RAB11FIP4: variants seen among roughly 807,000 people sequenced by gnomAD.
The protein encoded by RAB11FIP4 is RAB11 family interacting protein 4.
A neutral mutation model predicts 74.3 loss-of-function variants in RAB11FIP4; 23 were observed. That is an observed-to-expected ratio of 0.31 (90% CI 0.22 to 0.44). The LOEUF is 0.44. Among genes scored for constraint, RAB11FIP4 ranks in the 20% least tolerant of loss-of-function variants. The probability of loss-of-function intolerance (pLI) is 1.00; values close to 1 mark genes in which losing one functional copy is unlikely to be tolerated. For synonymous variants in RAB11FIP4, 360 were observed against 359.9 expected (o/e 1.00, Z 0.00); for missense variants, 630 against 863.9 (o/e 0.73, Z 3.39).
chr17:31,425,816 G>C lies in RAB11FIP4; in HGVS notation c.160-5997G>C, dbSNP rs529926835. Among the ~76,000 whole-genome samples, 7 of 152,324 alleles carry C rather than the reference G, an allele frequency of 4.6e-5. No individual in the cohort carries two copies. The East Asian group carries it at 1.4e-3, about 29-fold the overall frequency. The stretch of plus-strand genomic sequence containing the variant: ...CTGGGAGCCAGAGGGGGAGCCCCAG[G>C]GCTGCCCAGCCACGCATGGTGTGTG... On this transcript the variant is annotated intron_variant, in intron 1 of 14. Coordinates refer to ENST00000621161, the MANE Select transcript of RAB11FIP4 (RefSeq NM_032932.6).
Position 31,437,728 on chromosome 17 carries a change from G to T in RAB11FIP4, c.336+3606G>T, listed in dbSNP as rs138173956. Among the ~76,000 whole-genome samples, 389 of 152,276 alleles carry T rather than the reference G, an allele frequency of 2.6e-3. 4 individuals carry two copies. Among genetic ancestry groups the T allele is most frequent in the Non-Finnish European group, 4.3e-3 (293 of 68,014 alleles). On this transcript the variant is annotated intron_variant, in intron 3 of 14. Coordinates refer to ENST00000621161, the MANE Select transcript of RAB11FIP4 (RefSeq NM_032932.6). ...TAATTAAAGCAGTGAATGCTTGAGTGCTGGCTGGTGGGCCAGCAGCTGCCA... is the reference window on the plus strand; with the variant it reads ...TAATTAAAGCAGTGAATGCTTGAGTTCTGGCTGGTGGGCCAGCAGCTGCCA...
At chr17:31,516,412 C>G (rs946161232) in intron 3 of RAB11FIP4, among the ~76,000 whole-genome samples, 2 of 152,032 alleles carry the variant, frequency 1.3e-5, no homozygotes, top group Non-Finnish European at 2.9e-5. Context: ...GCGTCTTGAA[C>G]AAAAATTGGA....
intron 1 of RAB11FIP4, among the ~76,000 whole-genome samples, chr17:31,398,654 C>T (rs1354752443): frequency 1.3e-5 from 2 of 152,240 alleles, no homozygotes; most frequent in African/African-American, 4.8e-5. Flanking sequence ...TGACGTTCCC[C>T]CTTGTACAGG....
At chr17:31,520,289 C>T (rs746627779) in intron 4 of RAB11FIP4, among the ~76,000 whole-genome samples, 1 of 152,110 alleles carries the variant, frequency 6.6e-6, no homozygotes, top group Non-Finnish European at 1.5e-5. Flanking sequence ...TTGGTGTCCA[C>T]AGGGGGTCCT....
chr17:31,525,268 C>T lies in RAB11FIP4; in HGVS notation c.1274+38C>T, dbSNP rs926859792. 1.7e-5 allele frequency: 26 copies of T among 1,522,032 alleles called. No homozygotes were observed. In the South Asian group the frequency reaches 2.4e-4, roughly 14 times the overall value. The allele number at this position is 1,522,032 out of a possible 1,614,324, so 94.3% of individuals were successfully genotyped here. ...ACCGAGCCCCCTCCCTCAGAGGGAC[C>T]CCCTGTCCTGGGGCAGCCCTGTGGG... On this transcript the variant is annotated intron_variant, in intron 10 of 14. Coordinates refer to ENST00000621161, the MANE Select transcript of RAB11FIP4 (RefSeq NM_032932.6).
chr17:31,529,591 C>T (rs2072831146), intron 13 of RAB11FIP4, among the ~76,000 whole-genome samples: 1 of 152,172 alleles, frequency 6.6e-6, no homozygotes, highest in Non-Finnish European at 1.5e-5. Context: ...TCAAGGAGCG[C>T]TGCCTTAGCT....
At chr17:31,525,441 CGT>C in intron 10 of RAB11FIP4, 1 of 583,282 alleles carries the variant, frequency 1.7e-6, no homozygotes, top group Non-Finnish European at 3.0e-6. Flanking sequence ...TTCCCAGGAG[CGT>C]GGCTCACATT....
At chr17:31,428,133 G>C (rs946524191) in intron 1 of RAB11FIP4, among the ~76,000 whole-genome samples, 1 of 152,202 alleles carries the variant, frequency 6.6e-6, no homozygotes, top group Non-Finnish European at 1.5e-5. Context: ...GAGCCGCCAG[G>C]TTCCAGGCAA....
At chr17:31,403,119 A>T (rs1435664113) in intron 1 of RAB11FIP4, among the ~76,000 whole-genome samples, 1 of 38,990 alleles carries the variant, frequency 2.6e-5, no homozygotes, top group African/African-American at 1.1e-4. Context: ...GCCATGACCC[A>T]CATGGGTACT....
chr17:31,421,694 A>G (rs1172916384), intron 1 of RAB11FIP4, among the ~76,000 whole-genome samples: 1 of 150,036 alleles, frequency 6.7e-6, no homozygotes, highest in African/African-American at 2.5e-5. Context: ...GTAAGCTGGG[A>G]TTACAGGTGC....
At chr17:31,498,922 C>T (rs2142765733) in intron 3 of RAB11FIP4, among the ~76,000 whole-genome samples, 1 of 152,312 alleles carries the variant, frequency 6.6e-6, no homozygotes, top group Non-Finnish European at 1.5e-5. Context: ...AAGCAAGCCC[C>T]ACAGACTCTT....
rs139588006 is a variant in RAB11FIP4 at position 31,531,628 on chromosome 17, C to T, written c.1810C>T (p.Leu604=). Residue 604 remains leucine (L), a synonymous_variant, in exon 15 of 15, where the codon CTG becomes TTG. Transcript: ENST00000621161. The part of the protein sequence containing the change: ...TASRDELMEA[L]KEQEEINFRL... ...CCATTTCCTTCAGCTAATGGAAGCC[C>T]TGAAGGAGCAGGAGGAGATCAACTT... 1.2e-6 allele frequency: 2 copies of T among 1,613,408 alleles called. No individual in the cohort carries two copies. The highest frequency in any genetic ancestry group is 1.3e-5 in the African/African-American group (1 of 75,026).
chr17:31,521,192 C>T lies in RAB11FIP4; in HGVS notation c.590C>T (p.Thr197Met), dbSNP rs546945320. Residue 197 changes from threonine (T) to methionine (M), a missense_variant, in exon 5 of 15, where the codon ACG becomes ATG. Coordinates refer to ENST00000621161, the MANE Select transcript of RAB11FIP4 (RefSeq NM_032932.6). ...DKSLVHTPSMTTSDLSTHSTT... is the reference protein window; with the variant it reads ...DKSLVHTPSMMTSDLSTHSTT... ...TCCCTGGTCCACACTCCATCCATGA[C>T]GACCTCAGACCTTTCTACACACTCC... The T allele has an allele frequency of 5.4e-5, 87 of 1,604,952 alleles. No homozygotes were observed. The highest frequency in any genetic ancestry group is 4.7e-4 in the East Asian group (21 of 44,488).
chr17:31,438,680 C>T (rs2071382562), intron 3 of RAB11FIP4, among the ~76,000 whole-genome samples: 1 of 152,202 alleles, frequency 6.6e-6, no homozygotes, highest in African/African-American at 2.4e-5. Flanking sequence ...TGGTGCATCT[C>T]ACACCTAAAA....
In RAB11FIP4 at chr17:31,527,852, T is replaced by C. The variant is rs746982286; in HGVS notation, c.1285T>C (p.Leu429=). 4.5e-5 allele frequency: 72 copies of C among 1,605,998 alleles called. No individual in the cohort carries two copies. The highest frequency in any genetic ancestry group is 5.6e-5 in the Non-Finnish European group (66 of 1,176,642). The change falls in exon 11 of 15, where the codon TTG becomes CTG. Residue 429 remains leucine, a synonymous_variant. Coordinates refer to ENST00000621161, the MANE Select transcript of RAB11FIP4 (RefSeq NM_032932.6). ...VELLNARVQQ[L]EEENTELRTT... is the part of the protein sequence containing the mutation. ...TTCTCCTTTCGCCAGGGTGCAGCAG[T>C]TGGAGGAAGAAAATACAGAGCTTAG...
rs573120563 is a variant in RAB11FIP4, at chr17:31,521,435, G to A, written c.758+75G>A. The A allele has an allele frequency of 1.1e-4, 146 of 1,333,744 alleles. 2 individuals carry two copies. The South Asian group carries it at 1.9e-3, about 17-fold the overall frequency. 82.6% of individuals were successfully genotyped at this position (1,333,744 alleles called of 1,614,324 possible). ...ATTTAAGCACATCCTAGGGGGTGGG[G>A]GGGTGCGAGTCCTGAGCTGGCCCTT... On this transcript the variant is annotated intron_variant, in intron 5 of 14. Transcript: ENST00000621161.
chr17:31,425,586 G>T (rs2071240491), intron 1 of RAB11FIP4, among the ~76,000 whole-genome samples: 2 of 152,180 alleles, frequency 1.3e-5, no homozygotes. Context: ...TGAGTGGGGG[G>T]AAAAAATCAG....
intron 1 of RAB11FIP4, among the ~76,000 whole-genome samples, chr17:31,405,622 C>T (rs778044282): frequency 2.3e-4 from 35 of 152,130 alleles, no homozygotes; most frequent in Non-Finnish European, 4.6e-4. Context: ...ATCCGCCCTC[C>T]TAGGCCTCCC....
Position 31,523,769 on chromosome 17 carries a change from C to A in RAB11FIP4, c.1030-124C>A, listed in dbSNP as rs924344799. On this transcript the variant is annotated intron_variant, in intron 8 of 14. Transcript: ENST00000621161. ...TCACGTGTTCCCCACTCCCCCACCC[C>A]ACACATGACCGTTCTCAGATACACA... 6.1e-6 allele frequency: 6 copies of A among 989,002 alleles called. No individual in the cohort carries two copies. The African/African-American group carries it at 7.9e-5, about 13-fold the overall frequency. The allele number at this position is 989,002 out of a possible 1,614,324, so 61.3% of individuals were successfully genotyped here.
Sources: gnomAD v4.1 joint callset for allele counts (sites outside exome capture counted in the v4.1 genomes callset) on GRCh38, gnomAD v4.1.1 for gene constraint, MANE v1.5 for transcripts, NCBI Gene and HGNC (gene_info 2026-07-23, HGNC 2026-07-21) for gene names.